AFF1: variants seen among roughly 807,000 people sequenced by gnomAD.
AFF1 encodes AF4/FMR2 family member 1.
Under a neutral mutation model 121.7 loss-of-function variants are expected in AFF1, and 48 were observed. The observed-to-expected ratio is 0.39, with a 90% confidence interval of 0.31 to 0.50. The LOEUF (loss-of-function observed/expected upper bound fraction) is 0.50, where lower values mean the gene tolerates loss of function less well. AFF1 is among the 20% of genes least tolerant of loss of function. The probability of loss-of-function intolerance (pLI) is 0.76; values close to 1 mark genes in which losing one functional copy is unlikely to be tolerated. For synonymous variants in AFF1, 613 were observed against 563.0 expected (o/e 1.09, Z -1.26); for missense variants, 1,523 against 1,511.7 (o/e 1.01, Z -0.12).
chr4:87,018,099 T>G (rs1727539500), intron 2 of AFF1, among the ~76,000 whole-genome samples: 1 of 152,246 alleles, frequency 6.6e-6, no homozygotes, highest in Non-Finnish European at 1.5e-5. Flanking sequence ...AAGAATTATA[T>G]CAGTATCAAC....
chr4:86,970,342 A>G (rs1722856051), intron 2 of AFF1, among the ~76,000 whole-genome samples: 1 of 152,214 alleles, frequency 6.6e-6, no homozygotes, highest in Non-Finnish European at 1.5e-5. Flanking sequence ...CAACAACAAC[A>G]AAGATACTAA....
At chr4:87,063,228 C>CTTTGTTTTTTTTTTTTTT (rs1720963035) in intron 4 of AFF1, among the ~76,000 whole-genome samples, 1 of 44,402 alleles carries the variant, frequency 2.3e-5, no homozygotes, top group Non-Finnish European at 4.2e-5. Context: ...AGATTCACCT[C>CTTTGTTTTTTTTTTTTTT]TTTTTTTTTT....
At chr4:86,964,435 CTT>C (rs567637293) in intron 2 of AFF1, among the ~76,000 whole-genome samples, 42 of 127,448 alleles carry the variant, frequency 3.3e-4, no homozygotes, top group East Asian at 6.9e-4. Context: ...TTCTATACAT[CTT>C]TTTTTTTTTT....
intron 4 of AFF1, among the ~76,000 whole-genome samples, chr4:87,049,294 C>G (rs1236025703): frequency 1.3e-5 from 2 of 152,122 alleles, no homozygotes; most frequent in Admixed American, 6.5e-5. Context: ...TCAGCCTACA[C>G]TTATGAAACA....
rs1378942758 is a variant in AFF1, at chr4:86,955,421, T to G, written c.38+6850T>G. On this transcript the variant is annotated intron_variant, in intron 2 of 20. Coordinates refer to ENST00000395146, the MANE Select transcript of AFF1 (RefSeq NM_001166693.3). Reference sequence around the variant, plus strand: ...GACTTTCTAATTTCTTTTTCCTTATTGAAAGAGAGAATGTGCCTTTTTGCC... The same window carrying G: ...GACTTTCTAATTTCTTTTTCCTTATGGAAAGAGAGAATGTGCCTTTTTGCC... 2.0e-5 allele frequency among the ~76,000 whole-genome samples: 3 copies of G among 152,234 alleles called. No homozygotes were observed. In the East Asian group the frequency reaches 5.8e-4, roughly 29 times the overall value.
intron 2 of AFF1, among the ~76,000 whole-genome samples, chr4:86,968,193 C>T (rs1347097300): frequency 1.3e-5 from 2 of 152,144 alleles, no homozygotes. Context: ...AATGGTCTCC[C>T]ATTTCTCAAA....
At chr4:86,989,481 C>T (rs1411841014) in intron 2 of AFF1, among the ~76,000 whole-genome samples, 1 of 152,142 alleles carries the variant, frequency 6.6e-6, no homozygotes. Flanking sequence ...AATGAGATAC[C>T]ATCTCACACC....
chr4:87,011,110 C>T (rs987438437), intron 2 of AFF1, among the ~76,000 whole-genome samples: 33 of 147,318 alleles, frequency 2.2e-4, no homozygotes, highest in Middle Eastern at 3.4e-3. Context: ...AAAAAAAAAT[C>T]ACCTGATGCC....
Position 87,126,260 on chromosome 4 carries a change from G to A in AFF1, c.2735G>A (p.Ser912Asn). The change falls in exon 14 of 21, where the codon AGC (serine) becomes AAC (asparagine). Residue 912 changes from serine (S) to asparagine (N), a missense_variant. This residue lies in a region of AFF1 where 905 missense variants were observed against 842.5 expected (regional missense o/e 1.07). Coordinates refer to ENST00000395146, the MANE Select transcript of AFF1 (RefSeq NM_001166693.3). The part of the protein sequence containing the change: ...DPPKSASSTK[S>N]NHKDSSIPKQ... The stretch of plus-strand genomic sequence containing the variant: ...CCCAAAAGTGCCAGCAGTACCAAGA[G>A]CAACCACAAAGACTCTTCCATTCCC... 6.2e-7 allele frequency: 1 copy of A among 1,614,124 alleles called. No homozygotes were observed. Among genetic ancestry groups the A allele is most frequent in the East Asian group, 2.2e-5 (1 of 44,862 alleles).
At position 87,063,228 on chromosome 4, in the gene AFF1, CTTTTTTTTTTTTTT is replaced by C. The variant is rs569577993; in HGVS notation, c.1059+15649_1059+15662del. ...ATGTATAAGCATAGTAGATTCACCT[CTTTTTTTTTTTTTT>C]TTTTTTTTTTTTTTGAGACAGAGTT... On this transcript the variant is annotated intron_variant, in intron 4 of 20. Transcript: ENST00000395146. 3.4e-4 allele frequency among the ~76,000 whole-genome samples: 15 copies of C among 44,436 alleles called. 1 individual carries two copies. The highest frequency in any genetic ancestry group is 2.1e-3 in the Admixed American group (6 of 2,854). The allele number at this position is 44,436 out of a possible 152,430, so 29.2% of individuals were successfully genotyped here. A position where few individuals can be genotyped will look rare whatever the true frequency, so the allele number is the denominator to read the frequency against.
In AFF1 at chr4:87,047,317, A is replaced by T; in HGVS notation, c.782A>T (p.His261Leu). Residue 261 changes from histidine to leucine, a missense_variant, in exon 4 of 21, where the codon CAT becomes CTT. Physicochemically the swap from His to Leu is moderately conservative, Grantham distance 99. Coordinates refer to ENST00000395146, the MANE Select transcript of AFF1 (RefSeq NM_001166693.3). ...KSPKDLAVKVHDKETPQDSLV... is the reference protein window; with the variant it reads ...KSPKDLAVKVLDKETPQDSLV... ...CCCAAGGACCTAGCAGTGAAAGTCC[A>T]TGATAAAGAGACCCCTCAAGACAGT... The T allele has an allele frequency of 6.2e-7, 1 of 1,614,196 alleles. No individual in the cohort carries two copies. Among genetic ancestry groups the T allele is most frequent in the Non-Finnish European group, 8.5e-7 (1 of 1,180,034 alleles).
At chr4:87,098,179 T>C (rs1260470137) in intron 8 of AFF1, among the ~76,000 whole-genome samples, 1 of 152,184 alleles carries the variant, frequency 6.6e-6, no homozygotes, top group African/African-American at 2.4e-5. Context: ...GCGAGTGGTC[T>C]GTATTAACTC....
At chr4:87,075,593 G>A (rs17605615) in intron 4 of AFF1, among the ~76,000 whole-genome samples, 53,251 of 151,896 alleles carry the variant, frequency 0.35, 9,696 homozygotes, top group Non-Finnish European at 0.39. Context: ...CCAACCTGAC[G>A]TTCTGATGTT....
intron 7 of AFF1, among the ~76,000 whole-genome samples, chr4:87,093,299 G>A (rs1472987169): frequency 6.6e-6 from 1 of 152,062 alleles, no homozygotes; most frequent in Non-Finnish European, 1.5e-5. Context: ...TGCTATTCCG[G>A]CAGCCTTATT....
chr4:87,137,565 G>A lies in AFF1; in HGVS notation c.*1864G>A, dbSNP rs968397562. On this transcript the variant is annotated 3_prime_UTR_variant, in exon 21 of 21. Coordinates refer to ENST00000395146, the MANE Select transcript of AFF1 (RefSeq NM_001166693.3). ...CAGCTGTAGTCATATCTGAGCATAAGACCTTGATGTGTGATTCCTGATGAC... is the reference window on the plus strand; with the variant it reads ...CAGCTGTAGTCATATCTGAGCATAAAACCTTGATGTGTGATTCCTGATGAC... 1 of 230,568 alleles carries A rather than the reference G, an allele frequency of 4.3e-6. No homozygotes were observed. The highest frequency in any genetic ancestry group is 2.2e-5 in the African/African-American group (1 of 45,180). The allele number at this position is 230,568 out of a possible 1,614,324, so 14.3% of individuals were successfully genotyped here.
rs1325215279 is a variant in AFF1 at position 87,047,417 on chromosome 4, G to C, written c.882G>C (p.Gln294His). 9 of 1,614,028 alleles carry C rather than the reference G, an allele frequency of 5.6e-6. No individual in the cohort carries two copies. The Admixed American group carries it at 1.5e-4, about 27-fold the overall frequency. ...PSLPSKSVAM[Q>H]QKPTAYVRPM... ...TCCCCTCAAAAAGTGTTGCAATGCA[G>C]CAGAAGCCCACGGCTTATGTCCGGC... Residue 294 changes from glutamine to histidine, a missense_variant, in exon 4 of 21, where the codon CAG becomes CAC. Gln to His is a conservative substitution (Grantham distance 24, BLOSUM62 0). This residue lies in a region of AFF1 where 369 missense variants were observed against 367.2 expected (regional missense o/e 1.00). Transcript: ENST00000395146.
At chr4:86,949,728 A>G in intron 2 of AFF1, 1 of 1,597,660 alleles carries the variant, frequency 6.3e-7, no homozygotes, top group South Asian at 1.1e-5. Flanking sequence ...TCCTTCAGGT[A>G]GCTGCGGTGC....
intron 2 of AFF1, among the ~76,000 whole-genome samples, chr4:86,990,903 G>C (rs1442934583): frequency 6.7e-6 from 1 of 149,098 alleles, no homozygotes; most frequent in Non-Finnish European, 1.5e-5. Flanking sequence ...TGTAATCCCA[G>C]CACTTTCGGA....
intron 2 of AFF1, among the ~76,000 whole-genome samples, chr4:86,989,447 T>G (rs1220257429): frequency 6.6e-6 from 1 of 152,178 alleles, no homozygotes; most frequent in Admixed American, 6.6e-5. Context: ...CACTGGTCAT[T>G]AGAGAAATGC....
Sources: allele counts gnomAD v4.1 joint callset (sites outside exome capture counted in the v4.1 genomes callset), GRCh38; gene constraint gnomAD v4.1.1; regional missense constraint gnomAD v4.1.1; transcripts MANE v1.5; gene names NCBI Gene and HGNC (gene_info 2026-07-23, HGNC 2026-07-21).